CRACDL: variants seen among roughly 807,000 people sequenced by gnomAD.
CRACDL encodes the protein CRACD-like protein.
Under a neutral mutation model 70.6 loss-of-function variants are expected in CRACDL, and 26 were observed. That is an observed-to-expected ratio of 0.37 (90% CI 0.27 to 0.51). The LOEUF (loss-of-function observed/expected upper bound fraction) is 0.51. CRACDL is among the 20% of genes least tolerant of loss of function. The probability of loss-of-function intolerance (pLI) is 0.94; values close to 1 mark genes in which losing one functional copy is unlikely to be tolerated. For synonymous variants in CRACDL, 618 were observed against 615.2 expected (o/e 1.00, Z -0.07); for missense variants, 1,283 against 1,376.9 (o/e 0.93, Z 1.08).
chr2:98,933,695 T>C (rs1409928071), intron 1 of CRACDL, among the ~76,000 whole-genome samples: 1 of 152,056 alleles, frequency 6.6e-6, no homozygotes, highest in Non-Finnish European at 1.5e-5. Context: ...GGTAGCTAAG[T>C]CAAATCCAGG....
chr2:98,827,288 C>T lies in CRACDL; in HGVS notation c.541-119G>A, dbSNP rs148160141. 1,206 of 681,196 alleles carry T rather than the reference C, an allele frequency of 1.8e-3. 8 individuals are homozygous for T. Among genetic ancestry groups the T allele is most frequent in the African/African-American group, 0.017 (974 of 55,674 alleles). The allele number at this position is 681,196 out of a possible 1,614,324, so 42.2% of individuals were successfully genotyped here. A position where few individuals can be genotyped will look rare whatever the true frequency, so the allele number is the denominator to read the frequency against. On this transcript the variant is annotated intron_variant, in intron 5 of 9. Coordinates refer to ENST00000397899, the MANE Select transcript of CRACDL (RefSeq NM_207362.3). ...TCTTCCCACACTGTCTCTGGCTTTACGTGTGTGGAAATACTTTCTTTTTTT... is the reference window on the plus strand; with the variant it reads ...TCTTCCCACACTGTCTCTGGCTTTATGTGTGTGGAAATACTTTCTTTTTTT...
intron 2 of CRACDL, among the ~76,000 whole-genome samples, chr2:98,838,675 T>A (rs1389214628): frequency 1.3e-5 from 2 of 151,994 alleles, no homozygotes; most frequent in Non-Finnish European, 2.9e-5. Context: ...TCAAAAAAAA[T>A]AAAATAAAAT....
At position 98,824,711 on chromosome 2, in the gene CRACDL, T is replaced by C. The variant is rs117830828; in HGVS notation, c.736-1174A>G. 3.9e-5 allele frequency among the ~76,000 whole-genome samples: 6 copies of C among 152,368 alleles called. No individual in the cohort carries two copies. The East Asian group carries it at 7.7e-4, about 20-fold the overall frequency. On this transcript the variant is annotated intron_variant, in intron 6 of 9. Coordinates refer to ENST00000397899, the MANE Select transcript of CRACDL (RefSeq NM_207362.3). ...GGGTATGTTTGCAATAGGTTTTTCT[T>C]CTTGCTGTTTGTTATTATTTTAACA...
At chr2:98,852,896 G>GGGGGAGTGTGAAGAAGCA (rs1247549591) in intron 1 of CRACDL, among the ~76,000 whole-genome samples, 20 of 150,300 alleles carry the variant, frequency 1.3e-4, no homozygotes, top group Non-Finnish European at 2.7e-4. Flanking sequence ...ACAGGGAGTG[G>GGGGGAGTGTGAAGAAGCA]GGGGAGTGTG....
At position 98,885,921 on chromosome 2, in the gene CRACDL, A is replaced by T. The variant is rs1362043413; in HGVS notation, c.-10-39111T>A. 8.9e-5 allele frequency among the ~76,000 whole-genome samples: 4 copies of T among 44,884 alleles called. No individual in the cohort carries two copies. In the East Asian group the frequency reaches 1.0e-3, roughly 11 times the overall value. The allele number at this position is 44,884 out of a possible 152,430, so 29.4% of individuals were successfully genotyped here. On this transcript the variant is annotated intron_variant, in intron 1 of 9. Coordinates refer to ENST00000397899, the MANE Select transcript of CRACDL (RefSeq NM_207362.3). ...ATGAAAATAATGAGAAAACTGGTTA[A>T]AAAAAAAAAAGGTCAGAATGAACTT...
chr2:98,818,996 T>C (rs1027752717), intron 7 of CRACDL, among the ~76,000 whole-genome samples: 3 of 152,234 alleles, frequency 2.0e-5, no homozygotes, highest in African/African-American at 7.2e-5. Context: ...TAACCTAGAT[T>C]CTTCTTTCGT....
chr2:98,832,432 G>A lies in CRACDL; in HGVS notation c.456C>T (p.Gly152=). The change falls in exon 5 of 10, where the codon GGC becomes GGT. Residue 152 remains glycine, a synonymous_variant. Coordinates refer to ENST00000397899, the MANE Select transcript of CRACDL (RefSeq NM_207362.3). The part of the protein sequence containing the change: ...GLPAKRGEDA[G]MSSEDDGLPR... Reference sequence around the variant, plus strand: ...GCAGCCCGTCGTCCTCAGAGCTCATGCCGGCATCCTCTCCCCGCTTGGCAG... The same window carrying A: ...GCAGCCCGTCGTCCTCAGAGCTCATACCGGCATCCTCTCCCCGCTTGGCAG... 6.2e-7 allele frequency: 1 copy of A among 1,614,132 alleles called. No individual in the cohort carries two copies. Among genetic ancestry groups the A allele is most frequent in the East Asian group, 2.2e-5 (1 of 44,878 alleles).
chr2:98,927,333 C>T (rs1288225469), intron 1 of CRACDL, among the ~76,000 whole-genome samples: 2 of 152,194 alleles, frequency 1.3e-5, no homozygotes, highest in Non-Finnish European at 2.9e-5. Context: ...CGTCACTCTG[C>T]GGTGGTTCCT....
At chr2:98,850,971 C>T (rs1706458070) in intron 1 of CRACDL, among the ~76,000 whole-genome samples, 1 of 152,132 alleles carries the variant, frequency 6.6e-6, no homozygotes, top group African/African-American at 2.4e-5. Flanking sequence ...AGGTTTCAAT[C>T]CATTATATTT....
intron 5 of CRACDL, among the ~76,000 whole-genome samples, chr2:98,828,165 A>G (rs899477690): frequency 6.6e-6 from 1 of 152,166 alleles, no homozygotes; most frequent in Non-Finnish European, 1.5e-5. Flanking sequence ...GGCCAGCTCC[A>G]CCACTGAGTG....
chr2:98,822,009 G>T lies in CRACDL; in HGVS notation c.2264C>A (p.Pro755Gln). The T allele has an allele frequency of 2.0e-6, 3 of 1,537,194 alleles. No homozygotes were observed. The highest frequency in any genetic ancestry group is 1.8e-6 in the Non-Finnish European group (2 of 1,141,380). The change falls in exon 7 of 10, where the codon CCG becomes CAG. Residue 755 changes from proline (P) to glutamine (Q), a missense_variant. Physicochemically the swap from Pro to Gln is moderately conservative, Grantham distance 76 (BLOSUM62 -1). Coordinates refer to ENST00000397899, the MANE Select transcript of CRACDL (RefSeq NM_207362.3). This position sits in a 1 kb window ranked among gnomAD's most constrained non-coding sequence, Gnocchi z 4.9. ...GGGCAGGGGCGGCTTGGAGCTGAGCGGCTCGGGGGGCCGGGCCTTCCCCTT... is the reference window on the plus strand; with the variant it reads ...GGGCAGGGGCGGCTTGGAGCTGAGCTGCTCGGGGGGCCGGGCCTTCCCCTT... The part of the protein sequence containing the change: ...QGKGKARPPE[P>Q]LSSKPPLPRK...
intron 1 of CRACDL, among the ~76,000 whole-genome samples, chr2:98,878,648 T>C (rs1707553082): frequency 6.6e-6 from 1 of 152,198 alleles, no homozygotes; most frequent in Non-Finnish European, 1.5e-5. Flanking sequence ...ATGTTTTAGT[T>C]AACCAACATA....
At chr2:98,901,434 C>A (rs1022709522) in intron 1 of CRACDL, among the ~76,000 whole-genome samples, 1 of 152,332 alleles carries the variant, frequency 6.6e-6, no homozygotes, top group South Asian at 2.1e-4. Context: ...AGGGCTCCCC[C>A]CATCCAGAGC....
chr2:98,885,709 A>G (rs1037426526), intron 1 of CRACDL, among the ~76,000 whole-genome samples: 5 of 152,204 alleles, frequency 3.3e-5, no homozygotes, highest in African/African-American at 1.2e-4. Flanking sequence ...TGGAACTGAG[A>G]TTGACAGGTT....
intron 6 of CRACDL, among the ~76,000 whole-genome samples, chr2:98,826,678 C>T (rs1003158587): frequency 5.3e-5 from 8 of 152,206 alleles, no homozygotes; most frequent in East Asian, 1.9e-4. Flanking sequence ...AGGCCTGGAG[C>T]GTGGACTTTC....
chr2:98,842,971 A>G (rs534859792), intron 2 of CRACDL, among the ~76,000 whole-genome samples: 1 of 151,418 alleles, frequency 6.6e-6, no homozygotes, highest in Non-Finnish European at 1.5e-5. Flanking sequence ...GGCTAAGTGT[A>G]TGTTTAACTT....
intron 1 of CRACDL, among the ~76,000 whole-genome samples, chr2:98,918,969 A>T (rs879555659): frequency 1.2e-4 from 18 of 151,824 alleles, no homozygotes; most frequent in Non-Finnish European, 2.4e-4. Context: ...TTTTTGTTGG[A>T]TGTACTTTTG....
chr2:98,841,510 TA>T (rs1037805173), intron 2 of CRACDL, among the ~76,000 whole-genome samples: 18 of 151,992 alleles, frequency 1.2e-4, no homozygotes, highest in Admixed American at 6.5e-5. Context: ...TTCTGATTGT[TA>T]AAAAAAACCT....
intron 7 of CRACDL, among the ~76,000 whole-genome samples, chr2:98,821,457 C>T (rs1042709228): frequency 1.2e-4 from 18 of 152,356 alleles, no homozygotes; most frequent in Middle Eastern, 3.4e-3. Context: ...GGATTACAGG[C>T]ATGAGCTACC....
Sources: gnomAD v4.1 joint callset for allele counts (sites outside exome capture counted in the v4.1 genomes callset) on GRCh38, gnomAD v4.1.1 for gene constraint, Gnocchi (gnomAD v3.1) non-coding constraint, MANE v1.5 for transcripts, NCBI Gene and HGNC (gene_info 2026-07-23, HGNC 2026-07-21) for gene names.